Variants in CLASP1 observed in about 807,000 individuals in gnomAD.
CLASP1 encodes cytoplasmic linker associated protein 1.
CLASP1 carries 38 observed loss-of-function variants against 192.3 expected under a neutral mutation model. The observed-to-expected ratio is 0.20, with a 90% CI of 0.15 to 0.26. The LOEUF (loss-of-function observed/expected upper bound fraction) is 0.26, where lower values mean the gene tolerates loss of function less well. Ranked by LOEUF, CLASP1 falls within the 10% of genes least tolerant of loss-of-function variation. The probability of loss-of-function intolerance (pLI) is 1.00; values close to 1 mark genes in which losing one functional copy is unlikely to be tolerated. For missense variants in CLASP1, 1,433 were observed against 1,932.5 expected, an observed-to-expected ratio of 0.74 and a Z score of 4.85; for synonymous variants, 691 against 712.8, an observed-to-expected ratio of 0.97 and a Z score of 0.49.
At chr2:121,560,539 A>C (rs770709071) in intron 2 of CLASP1, among the ~76,000 whole-genome samples, 25 of 152,228 alleles carry the variant, frequency 1.6e-4, no homozygotes, top group Non-Finnish European at 2.5e-4. Flanking sequence ...GAAGGAATGG[A>C]AGACAGTCTT....
intron 37 of CLASP1, among the ~76,000 whole-genome samples, chr2:121,356,070 G>C (rs1246240127): frequency 6.6e-6 from 1 of 152,052 alleles, no homozygotes; most frequent in East Asian, 1.9e-4. Flanking sequence ...TCAAAATTTG[G>C]ATTGCATGTT....
At chr2:121,587,219 C>T (rs2061817641) in intron 2 of CLASP1, among the ~76,000 whole-genome samples, 1 of 151,850 alleles carries the variant, frequency 6.6e-6, no homozygotes, top group Non-Finnish European at 1.5e-5. Context: ...CCAGCCTGGG[C>T]AACGCGGCGA....
At chr2:121,577,618 A>C (rs2060652813) in intron 2 of CLASP1, among the ~76,000 whole-genome samples, 1 of 152,208 alleles carries the variant, frequency 6.6e-6, no homozygotes. Context: ...AACTTCTCAT[A>C]AAGACACTGA....
At position 121,462,267 on chromosome 2, in the gene CLASP1, G is replaced by A. The variant is rs571336407; in HGVS notation, c.939+265C>T. On this transcript the variant is annotated intron_variant, in intron 10 of 39. Coordinates refer to ENST00000263710, the Ensembl canonical transcript of CLASP1. ...TACTTTTTTTATTCTCTAATTTAGC[G>A]TCATCTATTTCTTTCTCTTTTATGT... Among the ~76,000 whole-genome samples, 314 of 149,132 alleles carry A rather than the reference G, an allele frequency of 2.1e-3. 1 individual carries two copies. Among genetic ancestry groups the A allele is most frequent in the African/African-American group, 6.2e-3 (251 of 40,602 alleles).
chr2:121,361,541 T>C (rs1573784863), intron 37 of CLASP1, among the ~76,000 whole-genome samples: 1 of 152,176 alleles, frequency 6.6e-6, no homozygotes, highest in African/African-American at 2.4e-5. Context: ...CAGGATGGTT[T>C]TGAATGCAGC....
At chr2:121,529,347 C>G (rs2094683947) in intron 3 of CLASP1, among the ~76,000 whole-genome samples, 1 of 152,168 alleles carries the variant, frequency 6.6e-6, no homozygotes. Flanking sequence ...GTTTGTAAAC[C>G]TCTATTACAT....
At chr2:121,595,606 G>A (rs2063039282) in intron 2 of CLASP1, among the ~76,000 whole-genome samples, 1 of 152,190 alleles carries the variant, frequency 6.6e-6, no homozygotes, top group Non-Finnish European at 1.5e-5. Flanking sequence ...CTCAGTCAAT[G>A]GATTGTTTTA....
At chr2:121,633,994 T>C (rs1468863023) in intron 1 of CLASP1, among the ~76,000 whole-genome samples, 2 of 145,434 alleles carry the variant, frequency 1.4e-5, no homozygotes, top group African/African-American at 5.1e-5. Context: ...CGAGACTCCG[T>C]CTCAAAAAAA....
chr2:121,412,836 CCAGAG>C (rs1464274641), intron 23 of CLASP1, among the ~76,000 whole-genome samples: 3 of 152,162 alleles, frequency 2.0e-5, no homozygotes, highest in Non-Finnish European at 2.9e-5. Context: ...TATGTTTTCG[CCAGAG>C]CAAAGTCTGT....
At chr2:121,576,367 A>G (rs1035600341) in intron 2 of CLASP1, among the ~76,000 whole-genome samples, 1 of 152,214 alleles carries the variant, frequency 6.6e-6, no homozygotes, top group Non-Finnish European at 1.5e-5. Context: ...CAAAAACAAA[A>G]CACATCATCT....
rs775868299 is a variant in CLASP1 at position 121,410,966 on chromosome 2, C to T, written c.2324G>A (p.Arg775Gln). The T allele has an allele frequency of 6.3e-6, 10 of 1,589,024 alleles. No homozygotes were observed. The South Asian group carries it at 6.9e-5, about 11-fold the overall frequency. Residue 775 changes from arginine (R) to glutamine (Q), a missense_variant, in exon 24 of 40, where the codon CGG becomes CAG. Arg to Gln is a conservative substitution (Grantham distance 43). Coordinates refer to ENST00000263710, the Ensembl canonical transcript of CLASP1. Reference sequence around the variant, plus strand: ...TCTTCCTGGCTGGCCAAGCCCAAACCGATCTATTTAAAAAACAAAAGCAAA... The same window carrying T: ...TCTTCCTGGCTGGCCAAGCCCAAACTGATCTATTTAAAAAACAAAAGCAAA...
At chr2:121,613,185 T>C (rs2065892414) in intron 1 of CLASP1, among the ~76,000 whole-genome samples, 1 of 152,174 alleles carries the variant, frequency 6.6e-6, no homozygotes, top group African/African-American at 2.4e-5. Context: ...TCTGAAAAAA[T>C]GGTCCAACTC....
chr2:121,355,809 G>T (rs2065277310), intron 37 of CLASP1, among the ~76,000 whole-genome samples: 1 of 152,204 alleles, frequency 6.6e-6, no homozygotes, highest in Non-Finnish European at 1.5e-5. Context: ...TTAGAAAGGG[G>T]TGAGGGACTA....
rs372066591 is a variant in CLASP1, at chr2:121,443,168, G to C, written c.1912+4169C>G. ...AACGGTCTCTATTGTCGGAGTCTGAGCTCTCTATAAAAAACAATTTCTCCC... is the reference window on the plus strand; with the variant it reads ...AACGGTCTCTATTGTCGGAGTCTGACCTCTCTATAAAAAACAATTTCTCCC... On this transcript the variant is annotated intron_variant, in intron 19 of 39. Coordinates refer to ENST00000263710, the Ensembl canonical transcript of CLASP1. Among the ~76,000 whole-genome samples, 4 of 151,892 alleles carry C rather than the reference G, an allele frequency of 2.6e-5. No individual in the cohort carries two copies. In the South Asian group the frequency reaches 8.3e-4, roughly 32 times the overall value.
intron 37 of CLASP1, among the ~76,000 whole-genome samples, chr2:121,349,485 GA>G (rs543031022): frequency 1.3e-3 from 203 of 152,268 alleles, no homozygotes; most frequent in African/African-American, 4.2e-3. Context: ...CCTGAATACA[GA>G]AATGCTTCCC....
intron 1 of CLASP1, among the ~76,000 whole-genome samples, chr2:121,643,066 C>T (rs1352939305): frequency 1.3e-5 from 2 of 151,526 alleles, no homozygotes; most frequent in Non-Finnish European, 2.9e-5. Flanking sequence ...GAAAGTCCTA[C>T]ACTGACCTCA....
intron 2 of CLASP1, among the ~76,000 whole-genome samples, chr2:121,561,373 C>G (rs1291422452): frequency 6.6e-6 from 1 of 152,146 alleles, no homozygotes; most frequent in Non-Finnish European, 1.5e-5. Context: ...TATCTTAAAG[C>G]TTTCTTTTCT....
At chr2:121,646,062 A>T (rs148199790) in intron 1 of CLASP1, among the ~76,000 whole-genome samples, 207 of 152,312 alleles carry the variant, frequency 1.4e-3, no homozygotes, top group African/African-American at 4.3e-3. Context: ...TGTATCAGCG[A>T]TGATTTCTAC....
At chr2:121,545,434 C>T (rs866153201) in intron 2 of CLASP1, among the ~76,000 whole-genome samples, 4 of 152,094 alleles carry the variant, frequency 2.6e-5, no homozygotes, top group Non-Finnish European at 4.4e-5. Flanking sequence ...CCACACATGA[C>T]ATTTAGCAGG....
Sources: allele counts gnomAD v4.1 joint callset (sites outside exome capture counted in the v4.1 genomes callset), GRCh38; gene constraint gnomAD v4.1.1; transcripts MANE v1.5; gene names NCBI Gene and HGNC (gene_info 2026-07-23, HGNC 2026-07-21).